The following ZRANB3 variants were observed in gnomAD, a reference collection of about 807,000 sequenced individuals.
ZRANB3 encodes the protein DNA annealing helicase and endonuclease ZRANB3.
In ZRANB3, 125 loss-of-function variants were observed where a neutral mutation model predicts 133.8. That is an observed-to-expected ratio of 0.93 (90% CI 0.81 to 1.08). The LOEUF (loss-of-function observed/expected upper bound fraction) is 1.08. ZRANB3 is among the 50% of genes least tolerant of loss of function. The pLI is 0.00. For missense variants in ZRANB3, 1,229 were observed against 1,275.5 expected (o/e 0.96, Z 0.56); for synonymous variants, 387 against 432.7 (o/e 0.89, Z 1.31).
At chr2:135,415,584 G>A (rs966254603) in intron 2 of ZRANB3, among the ~76,000 whole-genome samples, 3 of 152,062 alleles carry the variant, frequency 2.0e-5, no homozygotes, top group African/African-American at 7.2e-5. Context: ...AAAAAAAGAG[G>A]GAATCCTCCC....
chr2:135,236,991 G>C (rs1275464667), intron 12 of ZRANB3, among the ~76,000 whole-genome samples: 4 of 151,998 alleles, frequency 2.6e-5, no homozygotes, highest in Non-Finnish European at 5.9e-5. Flanking sequence ...ACTACCATCA[G>C]AGTGAACAGG....
intron 6 of ZRANB3, among the ~76,000 whole-genome samples, chr2:135,338,306 T>A (rs1230587425): frequency 6.6e-6 from 1 of 152,240 alleles, no homozygotes; most frequent in Non-Finnish European, 1.5e-5. Context: ...AGCTTCTAGC[T>A]AGTAACTCAC....
At position 135,457,537 on chromosome 2, in the gene ZRANB3, G is replaced by A. The variant is rs561054269; in HGVS notation, c.161+46792C>T. The stretch of plus-strand genomic sequence containing the variant: ...AAAGATGTTCAGCATCTTTTCATGA[G>A]CTTATTGGCAATTTGTATATCCTCT... On this transcript the variant is annotated intron_variant, in intron 2 of 20. Coordinates refer to ENST00000264159, the MANE Select transcript of ZRANB3 (RefSeq NM_032143.4). Among the ~76,000 whole-genome samples, 3 of 152,164 alleles carry A rather than the reference G, an allele frequency of 2.0e-5. No homozygotes were observed. The East Asian group carries it at 5.8e-4, about 29-fold the overall frequency.
intron 2 of ZRANB3, among the ~76,000 whole-genome samples, chr2:135,492,941 T>A (rs1692458634): frequency 1.3e-5 from 2 of 151,230 alleles, no homozygotes; most frequent in African/African-American, 4.9e-5. Flanking sequence ...GATTTAGACA[T>A]ATGTGGTCAA....
In ZRANB3 at chr2:135,199,511, T is replaced by C. The variant is rs1476991939; in HGVS notation, c.*831A>G. 2 of 152,248 alleles carry C rather than the reference T, an allele frequency of 1.3e-5. No individual in the cohort carries two copies. Among genetic ancestry groups the C allele is most frequent in the African/African-American group, 4.8e-5 (2 of 41,450 alleles). The allele number at this position is 152,248 out of a possible 1,614,324, so 9.4% of individuals were successfully genotyped here. A position where few individuals can be genotyped will look rare whatever the true frequency, so the allele number is the denominator to read the frequency against. ...TGGGGTTTCACCGTATTAGCCAGGA[T>C]GGTCTCGATCTATCTCCTGACCTCA... On this transcript the variant is annotated 3_prime_UTR_variant, in exon 21 of 21. Transcript: ENST00000264159.
intron 19 of ZRANB3, 59 bp downstream of exon 19, chr2:135,207,375 G>A: frequency 6.7e-7 from 1 of 1,501,628 alleles, no homozygotes; most frequent in Non-Finnish European, 8.9e-7. Flanking sequence ...AAAATAGAGA[G>A]TCAATATTCA....
chr2:135,342,476 T>C (rs1358862261), intron 6 of ZRANB3, among the ~76,000 whole-genome samples: 1 of 149,918 alleles, frequency 6.7e-6, no homozygotes, highest in Non-Finnish European at 1.5e-5. Flanking sequence ...TTCTTGAAAA[T>C]GTTTACCTCT....
chr2:135,433,524 C>G (rs1346369461), intron 2 of ZRANB3, among the ~76,000 whole-genome samples: 1 of 152,230 alleles, frequency 6.6e-6, no homozygotes, highest in Non-Finnish European at 1.5e-5. Context: ...TAAAAATTCT[C>G]AGATTCAAAA....
chr2:135,474,443 C>T (rs2104784160), intron 2 of ZRANB3, among the ~76,000 whole-genome samples: 1 of 152,134 alleles, frequency 6.6e-6, no homozygotes. Context: ...GAATCTGGCT[C>T]ATGGGGGTGT....
At chr2:135,365,788 A>G (rs1685906778) in intron 3 of ZRANB3, among the ~76,000 whole-genome samples, 1 of 152,230 alleles carries the variant, frequency 6.6e-6, no homozygotes, top group African/African-American at 2.4e-5. Context: ...TATCATAAAT[A>G]ATTACAGCGT....
At chr2:135,293,132 A>G (rs1468026922) in intron 8 of ZRANB3, among the ~76,000 whole-genome samples, 2 of 152,180 alleles carry the variant, frequency 1.3e-5, no homozygotes, top group East Asian at 3.8e-4. Context: ...TTCTGTGAAG[A>G]AAGTCATTAG....
Position 135,217,677 on chromosome 2 carries a change from T to C in ZRANB3, c.2353-70A>G. On this transcript the variant is annotated intron_variant, in intron 16 of 20. Coordinates refer to ENST00000264159, the MANE Select transcript of ZRANB3 (RefSeq NM_032143.4). Reference sequence around the variant, plus strand: ...TATCTTCCTTTGAATGTGAGCCTATTTACAACATCAGAAAACTGCTATTTT... The same window carrying C: ...TATCTTCCTTTGAATGTGAGCCTATCTACAACATCAGAAAACTGCTATTTT... 2.0e-6 allele frequency: 3 copies of C among 1,537,428 alleles called. No individual in the cohort carries two copies. In the Admixed American group the frequency reaches 6.5e-5, roughly 33 times the overall value.
intron 6 of ZRANB3, among the ~76,000 whole-genome samples, chr2:135,342,641 T>C (rs1558930271): frequency 6.7e-6 from 1 of 149,196 alleles, no homozygotes; most frequent in Admixed American, 6.6e-5. Context: ...AAAAATTTTT[T>C]CCTGACAAAA....
intron 5 of ZRANB3, among the ~76,000 whole-genome samples, chr2:135,349,034 G>A (rs1398316512): frequency 6.6e-6 from 1 of 152,100 alleles, no homozygotes; most frequent in African/African-American, 2.4e-5. Context: ...CTGTCAGTGG[G>A]CATCCAAGAG....
intron 8 of ZRANB3, among the ~76,000 whole-genome samples, chr2:135,282,086 T>G (rs1681123229): frequency 1.3e-5 from 2 of 152,246 alleles, no homozygotes; most frequent in South Asian, 4.1e-4. Flanking sequence ...TATATGCATT[T>G]TATTTACCCA....
intron 18 of ZRANB3, 137 bp downstream of exon 18, chr2:135,208,731 A>C: frequency 5.7e-5 from 37 of 654,180 alleles, no homozygotes; most frequent in Non-Finnish European, 6.2e-5. Context: ...GGACAACTGA[A>C]GAGCTACTAT....
chr2:135,411,423 T>A (rs1558980990), intron 2 of ZRANB3, among the ~76,000 whole-genome samples: 1 of 152,094 alleles, frequency 6.6e-6, no homozygotes, highest in Non-Finnish European at 1.5e-5. Flanking sequence ...TGGGTATTTA[T>A]CCATAGCAAA....
rs184626796 is a variant in ZRANB3 at position 135,222,085 on chromosome 2, T to C, written c.2250+2341A>G. The stretch of plus-strand genomic sequence containing the variant: ...TGAGTTTTAAAAGTTTCAAATACTA[T>C]CTTATATACTTATAAAGATTAGAAA... On this transcript the variant is annotated intron_variant, in intron 15 of 20. Coordinates refer to ENST00000264159, the MANE Select transcript of ZRANB3 (RefSeq NM_032143.4). Among the ~76,000 whole-genome samples the C allele has an allele frequency of 2.6e-5, 4 of 152,290 alleles. No individual in the cohort carries two copies. In the East Asian group the frequency reaches 7.7e-4, roughly 29 times the overall value.
At chr2:135,308,958 TA>T (rs1221844321) in intron 8 of ZRANB3, among the ~76,000 whole-genome samples, 1 of 151,214 alleles carries the variant, frequency 6.6e-6, no homozygotes, top group Non-Finnish European at 1.5e-5. Context: ...AAAAGTCATC[TA>T]AAAAAACTTA....
Sources: gnomAD v4.1 joint callset for allele counts (sites outside exome capture counted in the v4.1 genomes callset) on GRCh38, gnomAD v4.1.1 for gene constraint, MANE v1.5 for transcripts, NCBI Gene and HGNC (gene_info 2026-07-23, HGNC 2026-07-21) for gene names.